ALDH9A1: variants seen among roughly 807,000 people sequenced by gnomAD.
ALDH9A1 encodes the protein 4-trimethylaminobutyraldehyde dehydrogenase.
In ALDH9A1, 42 loss-of-function variants were observed where a neutral mutation model predicts 56.6. The ratio of observed to expected loss-of-function variants is 0.74; its 90% CI spans 0.58 to 0.96. The LOEUF is 0.96. Ranked by LOEUF, ALDH9A1 falls within the 40% of genes least tolerant of loss-of-function variation. The pLI, the probability that ALDH9A1 is intolerant of heterozygous loss-of-function variation, is 0.00. For synonymous variants in ALDH9A1, 242 were observed against 236.0 expected (o/e 1.03, Z -0.23); for missense variants, 661 against 651.5 (o/e 1.01, Z -0.16).
At chr1:165,695,976 C>G (rs140609008) in intron 1 of ALDH9A1, among the ~76,000 whole-genome samples, 6 of 151,910 alleles carry the variant, frequency 3.9e-5, no homozygotes, top group African/African-American at 1.5e-4. Context: ...CTCAGCCTCC[C>G]GAGTAGCTGG....
chr1:165,679,024 T>C (rs931462773), intron 6 of ALDH9A1, among the ~76,000 whole-genome samples: 1 of 152,198 alleles, frequency 6.6e-6, no homozygotes, highest in Non-Finnish European at 1.5e-5. Flanking sequence ...GTCAAACAAG[T>C]GGCAAAATTT....
At chr1:165,678,585 G>T (rs1254978339) in intron 6 of ALDH9A1, among the ~76,000 whole-genome samples, 2 of 152,128 alleles carry the variant, frequency 1.3e-5, no homozygotes, top group African/African-American at 4.8e-5. Flanking sequence ...AATCGTCAGT[G>T]GTGATAGAAG....
intron 2 of ALDH9A1, among the ~76,000 whole-genome samples, chr1:165,694,315 T>C (rs1649993711): frequency 6.6e-6 from 1 of 152,106 alleles, no homozygotes; most frequent in South Asian, 2.1e-4. Context: ...AAACCTTTTG[T>C]TTCCGTCAAG....
intron 6 of ALDH9A1, among the ~76,000 whole-genome samples, chr1:165,669,813 C>T (rs1649121588): frequency 6.6e-6 from 1 of 152,050 alleles, no homozygotes; most frequent in Non-Finnish European, 1.5e-5. Flanking sequence ...TAACAGTAAA[C>T]CTATATCAAG....
Position 165,668,844 on chromosome 1 carries a change from T to G in ALDH9A1, c.1207+82A>C, listed in dbSNP as rs562895947. 103 of 1,160,286 alleles carry G rather than the reference T, an allele frequency of 8.9e-5. No homozygotes were observed. The African/African-American group carries it at 1.5e-3, about 17-fold the overall frequency. 71.9% of individuals were successfully genotyped at this position (1,160,286 alleles called of 1,614,324 possible). A position where few individuals can be genotyped will look rare whatever the true frequency, so the allele number is the denominator to read the frequency against. On this transcript the variant is annotated intron_variant, in intron 8 of 10. Coordinates refer to ENST00000354775, the MANE Select transcript of ALDH9A1 (RefSeq NM_000696.4). ...ATTTGCCAGCCCTTGCTTTATATCA[T>G]GTACATATTTTATAAATATTCATCT...
At chr1:165,682,016 G>A in intron 4 of ALDH9A1, 91 bp downstream of exon 4, 3 of 1,520,654 alleles carry the variant, frequency 2.0e-6, no homozygotes, top group Non-Finnish European at 2.7e-6. Context: ...TAAAGTGTGT[G>A]TTTATAGAGA....
At position 165,690,619 on chromosome 1, in the gene ALDH9A1, C is replaced by T. The variant is rs532436080; in HGVS notation, c.327+4633G>A. Among the ~76,000 whole-genome samples the T allele has an allele frequency of 1.1e-4, 16 of 152,212 alleles. No individual in the cohort carries two copies. In the East Asian group the frequency reaches 1.2e-3, roughly 11 times the overall value. ...ATTCCCTTTCCTAGCCAAGGGAAGC[C>T]GTGACAGATGGTACCTGGGAAATCG... On this transcript the variant is annotated intron_variant, in intron 2 of 10. Transcript: ENST00000354775.
intron 2 of ALDH9A1, 60 bp from the exon 3 acceptor site, chr1:165,683,170 A>T: frequency 6.5e-7 from 1 of 1,544,848 alleles, no homozygotes; most frequent in South Asian, 1.1e-5. Context: ...GATGTAATTA[A>T]TGCTTAAATA....
chr1:165,680,346 C>T, intron 5 of ALDH9A1, 141 bp downstream of exon 5: 1 of 879,600 alleles, frequency 1.1e-6, no homozygotes, highest in Non-Finnish European at 1.8e-6. Flanking sequence ...TTTCACACCT[C>T]TGCCTAATAA....
intron 4 of ALDH9A1, 143 bp from the exon 5 acceptor site, chr1:165,680,826 C>A: frequency 1.2e-6 from 1 of 804,742 alleles, no homozygotes; most frequent in Non-Finnish European, 1.9e-6. Flanking sequence ...TTATTAATAA[C>A]CATATTAGTT....
At position 165,682,071 on chromosome 1, in the gene ALDH9A1, G is replaced by A. The variant is rs60930400; in HGVS notation, c.592+36C>T. 12 of 1,610,800 alleles carry A rather than the reference G, an allele frequency of 7.4e-6. 1 individual carries two copies. The African/African-American group carries it at 1.2e-4, about 16-fold the overall frequency. ...GGAGAGAACGAACGAGAGAATGAAC[G>A]AATGGCTCTCAAATGGAGGGATAAT... is the stretch of plus-strand genomic sequence containing the variant. On this transcript the variant is annotated intron_variant, in intron 4 of 10. Coordinates refer to ENST00000354775, the MANE Select transcript of ALDH9A1 (RefSeq NM_000696.4).
In ALDH9A1 at chr1:165,698,500, G is replaced by A. The variant is rs763484962; in HGVS notation, c.59C>T (p.Ser20Phe). 4.3e-6 allele frequency: 7 copies of A among 1,610,484 alleles called. No individual in the cohort carries two copies. In the African/African-American group the frequency reaches 9.4e-5, roughly 22 times the overall value. Residue 20 changes from serine to phenylalanine, a missense_variant, in exon 1 of 11, where the codon TCT becomes TTT. By Grantham distance (155) the Ser-to-Phe change is radical. Transcript: ENST00000354775. ...GCCAGTGCTCATGGCGGCGACAGGA[G>A]AGGGCCGAAGACTGCGAAGAAGCGG... ...LSPLLRSLRP[S>F]PVAAMSTGTF...
intron 6 of ALDH9A1, among the ~76,000 whole-genome samples, chr1:165,678,429 C>T (rs184066699): frequency 6.6e-6 from 1 of 152,122 alleles, no homozygotes; most frequent in Admixed American, 6.5e-5. Context: ...TCCATGGGTC[C>T]ATACTGATAT....
intron 10 of ALDH9A1, among the ~76,000 whole-genome samples, chr1:165,663,482 A>G (rs984414494): frequency 6.6e-6 from 1 of 152,214 alleles, no homozygotes; most frequent in African/African-American, 2.4e-5. Context: ...AATCAACCTG[A>G]CACCCTTGAA....
At chr1:165,682,715 T>G in intron 3 of ALDH9A1, 1 of 383,390 alleles carries the variant, frequency 2.6e-6, no homozygotes, top group Non-Finnish European at 4.6e-6. Flanking sequence ...AACTGGTTTT[T>G]CAGCAATTTG....
chr1:165,670,763 T>C (rs2101737737), intron 6 of ALDH9A1, among the ~76,000 whole-genome samples: 1 of 152,258 alleles, frequency 6.6e-6, no homozygotes, highest in East Asian at 1.9e-4. Flanking sequence ...AAAAAGACGT[T>C]CAATGTCATT....
intron 1 of ALDH9A1, 122 bp downstream of exon 1, chr1:165,698,256 C>T (rs1324316552): frequency 6.9e-7 from 1 of 1,446,766 alleles, no homozygotes; most frequent in African/African-American, 1.5e-5. Flanking sequence ...CAACCTTAGA[C>T]TCTCCACTGT....
chr1:165,681,020 C>G (rs111717994), intron 4 of ALDH9A1, among the ~76,000 whole-genome samples: 1,992 of 152,254 alleles, frequency 0.013, 50 homozygotes, highest in African/African-American at 0.046. Flanking sequence ...ATAAACCCAT[C>G]AGATCTCATG....
Position 165,668,933 on chromosome 1 carries a change from AC to A in ALDH9A1, c.1199del (p.Cys400LeufsTer3). 2.5e-6 allele frequency: 4 copies of A among 1,591,226 alleles called. No individual in the cohort carries two copies. The highest frequency in any genetic ancestry group is 3.4e-6 in the Non-Finnish European group (4 of 1,159,500). ...AACAAAAAGAGGACATACTTAATAC[AC>A]AAGGTCTCATGTAATATCCATCCTT... ...KLKDGYYMRP[C>X]VLTNCRDDMT... is the part of the protein sequence containing the mutation. On this transcript the variant is annotated frameshift_variant, in exon 8 of 11. Transcript: ENST00000354775. LOFTEE classifies it high-confidence loss of function.
Sources: allele counts gnomAD v4.1 joint callset (sites outside exome capture counted in the v4.1 genomes callset), GRCh38; gene constraint gnomAD v4.1.1; transcripts MANE v1.5; gene names NCBI Gene and HGNC (gene_info 2026-07-23, HGNC 2026-07-21).